Variants in CSMD1 observed in about 807,000 individuals in gnomAD.
CSMD1 encodes CUB and sushi domain-containing protein 1.
A neutral mutation model predicts 417.5 loss-of-function variants in CSMD1; 213 were observed. The ratio of observed to expected loss-of-function variants is 0.51; its 90% CI spans 0.46 to 0.57. The LOEUF is 0.57. Among genes scored for constraint, CSMD1 ranks in the 20% least tolerant of loss-of-function variants. The pLI is 0.00. For missense variants in CSMD1, 6,923 were observed against 4,529.7 expected, an observed-to-expected ratio of 1.53 and a Z score of -15.17; for synonymous variants, 2,862 against 1,736.8, an observed-to-expected ratio of 1.65 and a Z score of -16.11.
chr8:3,277,926 C>T (rs952228636), intron 26 of CSMD1, among the ~76,000 whole-genome samples: 2 of 152,186 alleles, frequency 1.3e-5, no homozygotes, highest in African/African-American at 4.8e-5. Context: ...CAAATTGGTA[C>T]ACATGAAAAG....
rs74918330 is a variant in CSMD1 at position 3,669,227 on chromosome 8, T to C, written c.1009+39187A>G. On this transcript the variant is annotated intron_variant, in intron 7 of 69. Transcript: ENST00000635120. ...GGAGCATAAATTCAAAGACACTAAA[T>C]AAGGTAGCACACTGCATCAATCTGA... is the stretch of plus-strand genomic sequence containing the variant. Among the ~76,000 whole-genome samples, 285 of 152,296 alleles carry C rather than the reference T, an allele frequency of 1.9e-3. 2 individuals are homozygous for C. Among genetic ancestry groups the C allele is most frequent in the Middle Eastern group, 6.8e-3 (2 of 294 alleles).
At chr8:2,939,288 G>A (rs897275) in intron 69 of CSMD1, among the ~76,000 whole-genome samples, 50,283 of 152,092 alleles carry the variant, frequency 0.33, 9,738 homozygotes, top group East Asian at 0.61. Flanking sequence ...CCTTTAGCAC[G>A]GTATGCTTAC....
intron 2 of CSMD1, among the ~76,000 whole-genome samples, chr8:4,451,959 AAT>A (rs914837842): frequency 4.7e-5 from 7 of 148,714 alleles, no homozygotes; most frequent in Non-Finnish European, 1.0e-4. Context: ...ATAATATATA[AAT>A]ATATATAATT....
intron 5 of CSMD1, among the ~76,000 whole-genome samples, chr8:3,821,935 G>C (rs1330707881): frequency 2.6e-5 from 4 of 152,162 alleles, no homozygotes; most frequent in African/African-American, 7.2e-5. Flanking sequence ...AACATGGAGA[G>C]GTTTTCCTAC....
intron 2 of CSMD1, among the ~76,000 whole-genome samples, chr8:4,449,053 C>A (rs933599774): frequency 6.6e-6 from 1 of 152,184 alleles, no homozygotes; most frequent in Non-Finnish European, 1.5e-5. Flanking sequence ...AAAAGGCCCA[C>A]AGAAGGATGC....
intron 5 of CSMD1, among the ~76,000 whole-genome samples, chr8:3,988,181 T>G (rs1523247): frequency 0.46 from 70,072 of 151,930 alleles, 16,317 homozygotes; most frequent in African/African-American, 0.49. Flanking sequence ...TCAGAGTCTC[T>G]AAGCAGTAAG....
chr8:3,412,191 T>C (rs1417867718), intron 12 of CSMD1, among the ~76,000 whole-genome samples: 4 of 128,746 alleles, frequency 3.1e-5, no homozygotes, highest in African/African-American at 1.2e-4. Flanking sequence ...TACACACATA[T>C]ACATACATAC....
intron 51 of CSMD1, among the ~76,000 whole-genome samples, chr8:3,025,490 C>A (rs1336629028): frequency 1.3e-5 from 2 of 152,204 alleles, no homozygotes; most frequent in Non-Finnish European, 2.9e-5. Flanking sequence ...TATTCTGAAA[C>A]TGTGTATTGT....
chr8:3,125,509 G>T (rs1817456792), intron 41 of CSMD1, among the ~76,000 whole-genome samples: 1 of 152,212 alleles, frequency 6.6e-6, no homozygotes, highest in Admixed American at 6.5e-5. Context: ...AGTGGAATTT[G>T]ATAAAGAAGT....
rs144211788 is a variant in CSMD1 at position 4,289,273 on chromosome 8, C to T, written c.415+130680G>A. Among the ~76,000 whole-genome samples, 647 of 152,264 alleles carry T rather than the reference C, an allele frequency of 4.2e-3. 12 individuals carry two copies. The highest frequency in any genetic ancestry group is 2.1e-3 in the Non-Finnish European group (142 of 68,014). Reference sequence around the variant, plus strand: ...TGTTTTCCCTGGAAGCCTCTTTAGGCTAATTTGCCTACATAATTTCACCCA... The same window carrying T: ...TGTTTTCCCTGGAAGCCTCTTTAGGTTAATTTGCCTACATAATTTCACCCA... On this transcript the variant is annotated intron_variant, in intron 3 of 69. Transcript: ENST00000635120.
intron 26 of CSMD1, among the ~76,000 whole-genome samples, chr8:3,267,570 GTAACACA>G (rs1801526344): frequency 1.3e-5 from 2 of 152,124 alleles, no homozygotes; most frequent in Non-Finnish European, 2.9e-5. Context: ...ACAAGGGAAT[GTAACACA>G]CTGGTAAGAG....
intron 34 of CSMD1, 38 bp from the exon 35 acceptor site, chr8:3,189,049 G>A (rs1455343661): frequency 1.9e-6 from 3 of 1,584,648 alleles, no homozygotes; most frequent in Non-Finnish European, 1.7e-6. Flanking sequence ...ATAAAGTGCT[G>A]TGGGACAGTG....
Position 3,406,131 on chromosome 8 carries a change from A to C in CSMD1, c.2162T>G (p.Phe721Cys). 2 of 1,613,902 alleles carry C rather than the reference A, an allele frequency of 1.2e-6. No homozygotes were observed. The highest frequency in any genetic ancestry group is 8.5e-7 in the Non-Finnish European group (1 of 1,179,856). Residue 721 changes from phenylalanine to cysteine, a missense_variant, in exon 15 of 70, where the codon TTC becomes TGC. Coordinates refer to ENST00000635120, the MANE Select transcript of CSMD1 (RefSeq NM_033225.6). ...CTTGACAAAGCCATCATCACAGTGG[A>C]AAGAAACCGAGCTCCCGAGTAGAAA... ...DRFLLGSSVS[F>C]HCDDGFVKTQ...
intron 10 of CSMD1, among the ~76,000 whole-genome samples, chr8:3,554,625 G>C (rs1253666449): frequency 6.6e-6 from 1 of 152,228 alleles, no homozygotes; most frequent in African/African-American, 2.4e-5. Flanking sequence ...ATCTGAGCAG[G>C]TGGGAGAAAT....
rs1472428783 is a variant in CSMD1 at position 3,399,267 on chromosome 8, A to C, written c.2405+124T>G. The C allele has an allele frequency of 1.4e-5, 11 of 788,406 alleles. No individual in the cohort carries two copies. The East Asian group carries it at 2.9e-4, about 21-fold the overall frequency. The allele number at this position is 788,406 out of a possible 1,614,324, so 48.8% of individuals were successfully genotyped here. On this transcript the variant is annotated intron_variant, in intron 16 of 69. Coordinates refer to ENST00000635120, the MANE Select transcript of CSMD1 (RefSeq NM_033225.6). ...TTACAAGTAAGTGCCTGTTTCTGGT[A>C]AAGTGTGCTCCTATGCGGGAACCGA...
intron 2 of CSMD1, among the ~76,000 whole-genome samples, chr8:4,430,323 T>A (rs561364833): frequency 4.6e-5 from 7 of 152,192 alleles, no homozygotes; most frequent in Admixed American, 1.3e-4. Context: ...CATATTGCTT[T>A]AACTGATAGT....
intron 26 of CSMD1, among the ~76,000 whole-genome samples, chr8:3,252,745 T>C (rs190892015): frequency 6.6e-6 from 1 of 152,228 alleles, no homozygotes; most frequent in South Asian, 2.1e-4. Flanking sequence ...TCAGAGCCTG[T>C]TATTCGTCTC....
At chr8:4,397,523 CTTTTTTTTTTTTTTT>C (rs57745028) in intron 3 of CSMD1, among the ~76,000 whole-genome samples, 12 of 59,960 alleles carry the variant, frequency 2.0e-4, no homozygotes, top group Middle Eastern at 0.016. Flanking sequence ...GCCTGAGACT[CTTTTTTTTTTTTTTT>C]TTTTTTTTTT....
intron 50 of CSMD1, among the ~76,000 whole-genome samples, chr8:3,030,542 T>A (rs1453962161): frequency 6.6e-6 from 1 of 152,044 alleles, no homozygotes; most frequent in African/African-American, 2.4e-5. Flanking sequence ...AGTGGCATGA[T>A]CACGGCTCAC....
Sources: gnomAD v4.1 joint callset for allele counts (sites outside exome capture counted in the v4.1 genomes callset) on GRCh38, gnomAD v4.1.1 for gene constraint, MANE v1.5 for transcripts, NCBI Gene and HGNC (gene_info 2026-07-23, HGNC 2026-07-21) for gene names.